Variants in PPM1H observed in about 807,000 individuals in gnomAD.
PPM1H encodes protein phosphatase 1H.
A neutral mutation model predicts 54.9 loss-of-function variants in PPM1H; 27 were observed. The observed-to-expected ratio is 0.49, with a 90% CI of 0.36 to 0.68. The LOEUF is 0.68. Ranked by LOEUF, PPM1H falls within the 30% of genes least tolerant of loss-of-function variation. The pLI is 0.00. For missense variants in PPM1H, 596 were observed against 667.8 expected (o/e 0.89, Z 1.19); for synonymous variants, 305 against 270.8 (o/e 1.13, Z -1.24).
At chr12:62,762,807 C>T (rs893634141) in intron 4 of PPM1H, among the ~76,000 whole-genome samples, 2 of 152,012 alleles carry the variant, frequency 1.3e-5, no homozygotes, top group African/African-American at 2.4e-5. Flanking sequence ...GACAGAGGAA[C>T]ATGTGATGAA....
At chr12:62,801,252 T>C (rs968426765) in intron 3 of PPM1H, among the ~76,000 whole-genome samples, 2 of 152,112 alleles carry the variant, frequency 1.3e-5, no homozygotes, top group South Asian at 2.1e-4. Context: ...ATATAGGAAA[T>C]AAAAGCAATA....
At chr12:62,722,072 G>A (rs779739436) in intron 5 of PPM1H, among the ~76,000 whole-genome samples, 2 of 152,008 alleles carry the variant, frequency 1.3e-5, no homozygotes, top group African/African-American at 4.8e-5. Flanking sequence ...AACTAAGCAC[G>A]GCACCCTCCG....
At chr12:62,739,219 A>G (rs1382942220) in intron 4 of PPM1H, among the ~76,000 whole-genome samples, 1 of 152,118 alleles carries the variant, frequency 6.6e-6, no homozygotes, top group Non-Finnish European at 1.5e-5. Flanking sequence ...TCCTTCTTAT[A>G]AACAGGAGCC....
chr12:62,873,729 T>G (rs1870066518), intron 1 of PPM1H, among the ~76,000 whole-genome samples: 1 of 152,222 alleles, frequency 6.6e-6, no homozygotes, highest in Admixed American at 6.5e-5. Context: ...TCAGGCTGTG[T>G]AAAAGTTTGT....
intron 2 of PPM1H, among the ~76,000 whole-genome samples, chr12:62,808,928 G>T (rs1316720176): frequency 6.6e-6 from 1 of 152,200 alleles, no homozygotes; most frequent in Non-Finnish European, 1.5e-5. Context: ...GCTCATGAAG[G>T]ACTGCAAGAG....
At chr12:62,663,470 A>G (rs1408326863) in intron 9 of PPM1H, among the ~76,000 whole-genome samples, 2 of 152,138 alleles carry the variant, frequency 1.3e-5, no homozygotes, top group African/African-American at 4.8e-5. Flanking sequence ...TATAGGCATG[A>G]CCCACCATGC....
chr12:62,881,237 G>A (rs771972), intron 1 of PPM1H, among the ~76,000 whole-genome samples: 34,778 of 152,108 alleles, frequency 0.23, 6,573 homozygotes, highest in African/African-American at 0.52. Flanking sequence ...GAAGGGAGAT[G>A]TGGCCGTCTG....
At chr12:62,802,913 A>G (rs2076780187) in intron 2 of PPM1H, among the ~76,000 whole-genome samples, 1 of 152,042 alleles carries the variant, frequency 6.6e-6, no homozygotes, top group South Asian at 2.1e-4. Context: ...CCTCCCATCT[A>G]TTTCAACCCC....
intron 1 of PPM1H, among the ~76,000 whole-genome samples, chr12:62,907,453 C>A (rs1327064373): frequency 6.6e-6 from 1 of 152,160 alleles, no homozygotes; most frequent in Non-Finnish European, 1.5e-5. Context: ...CCTGCAGGCT[C>A]TTCCACTGTC....
At chr12:62,688,134 T>C (rs1358658709) in intron 8 of PPM1H, among the ~76,000 whole-genome samples, 2 of 152,188 alleles carry the variant, frequency 1.3e-5, no homozygotes, top group South Asian at 4.1e-4. Context: ...ACTCTTGCTC[T>C]CCCAAACTCC....
intron 1 of PPM1H, among the ~76,000 whole-genome samples, chr12:62,920,599 G>A (rs573355159): frequency 6.7e-6 from 1 of 148,226 alleles, no homozygotes; most frequent in African/African-American, 2.5e-5. Flanking sequence ...TGGGATTATA[G>A]GCATGAGCCA....
intron 8 of PPM1H, among the ~76,000 whole-genome samples, chr12:62,668,611 A>C (rs1454828243): frequency 2.6e-5 from 4 of 152,184 alleles, no homozygotes; most frequent in African/African-American, 9.7e-5. Context: ...CCCTGGCTTC[A>C]AGGGATCCGC....
chr12:62,722,868 C>T (rs541290599), intron 5 of PPM1H, among the ~76,000 whole-genome samples: 1 of 152,140 alleles, frequency 6.6e-6, no homozygotes, highest in Non-Finnish European at 1.5e-5. Context: ...TGTGCATGAA[C>T]TTGTGAGTGC....
At chr12:62,731,916 A>T (rs1245315669) in intron 5 of PPM1H, among the ~76,000 whole-genome samples, 1 of 152,140 alleles carries the variant, frequency 6.6e-6, no homozygotes, top group Admixed American at 6.5e-5. Flanking sequence ...GATTTCCTTG[A>T]GGCCACAGTA....
intron 7 of PPM1H, among the ~76,000 whole-genome samples, chr12:62,693,080 T>C (rs1309334156): frequency 6.6e-6 from 1 of 152,202 alleles, no homozygotes; most frequent in Non-Finnish European, 1.5e-5. Flanking sequence ...TGTGACCACA[T>C]TTTTCACTTG....
intron 4 of PPM1H, among the ~76,000 whole-genome samples, chr12:62,785,842 AACT>A (rs2076667437): frequency 6.7e-6 from 1 of 148,568 alleles, no homozygotes; most frequent in South Asian, 2.2e-4. Flanking sequence ...CTTTGAAGGA[AACT>A]ACGTTTAAAA....
At chr12:62,900,598 TAAAA>T (rs111525770) in intron 1 of PPM1H, among the ~76,000 whole-genome samples, 1 of 136,844 alleles carries the variant, frequency 7.3e-6, no homozygotes, top group African/African-American at 2.7e-5. Context: ...TACCAGTAGT[TAAAA>T]AAAAAAAAAA....
intron 1 of PPM1H, among the ~76,000 whole-genome samples, chr12:62,894,507 AT>A (rs1320743919): frequency 6.6e-6 from 1 of 152,190 alleles, no homozygotes; most frequent in Non-Finnish European, 1.5e-5. Context: ...CCCAGGAAAC[AT>A]CCAGGTTCTG....
At chr12:62,703,952 C>T (rs2076158449) in intron 6 of PPM1H, among the ~76,000 whole-genome samples, 2 of 147,630 alleles carry the variant, frequency 1.4e-5, no homozygotes, top group East Asian at 4.1e-4. Context: ...CTTCCCCCCT[C>T]ACTACATGAA....
Sources: gnomAD v4.1 joint callset for allele counts (sites outside exome capture counted in the v4.1 genomes callset) on GRCh38, gnomAD v4.1.1 for gene constraint, MANE v1.5 for transcripts, NCBI Gene and HGNC (gene_info 2026-07-23, HGNC 2026-07-21) for gene names.